IMMP2L: variants seen among roughly 807,000 people sequenced by gnomAD.
The protein encoded by IMMP2L is mitochondrial inner membrane protease subunit 2.
Under a neutral mutation model 19.3 loss-of-function variants are expected in IMMP2L, and 18 were observed. The observed-to-expected ratio is 0.93, with a 90% CI of 0.64 to 1.38. IMMP2L has a LOEUF of 1.38. Ranked by LOEUF, IMMP2L falls within the 40% of genes most tolerant of loss-of-function variation. IMMP2L has a pLI of 0.00. For missense variants in IMMP2L, 233 were observed against 218.2 expected (o/e 1.07, Z -0.43); for synonymous variants, 76 against 73.0 (o/e 1.04, Z -0.21).
At chr7:111,555,323 C>A (rs1481716267) in intron 1 of IMMP2L, among the ~76,000 whole-genome samples, 1 of 152,014 alleles carries the variant, frequency 6.6e-6, no homozygotes, top group Non-Finnish European at 1.5e-5. Flanking sequence ...GAGAGCAAGA[C>A]AGCAGTGAAC....
chr7:110,693,205 T>A (rs1793632606), intron 5 of IMMP2L, among the ~76,000 whole-genome samples: 1 of 152,230 alleles, frequency 6.6e-6, no homozygotes, highest in South Asian at 2.1e-4. Flanking sequence ...GTCTACTTCT[T>A]AAGAAGGGCA....
At chr7:110,974,160 G>A (rs1474931390) in intron 3 of IMMP2L, among the ~76,000 whole-genome samples, 1 of 152,038 alleles carries the variant, frequency 6.6e-6, no homozygotes, top group East Asian at 1.9e-4. Flanking sequence ...TAAGAAGGAG[G>A]CTTTGATTTA....
intron 3 of IMMP2L, among the ~76,000 whole-genome samples, chr7:111,310,254 C>G (rs2130256724): frequency 6.6e-6 from 1 of 150,386 alleles, no homozygotes; most frequent in East Asian, 2.0e-4. Flanking sequence ...AAATCTAAGA[C>G]TTTTGAGTTC....
intron 2 of IMMP2L, among the ~76,000 whole-genome samples, chr7:111,512,019 C>A (rs561822400): frequency 2.0e-5 from 3 of 152,160 alleles, no homozygotes; most frequent in Non-Finnish European, 4.4e-5. Context: ...CACTCAGCAA[C>A]CCCACTATTA....
intron 5 of IMMP2L, among the ~76,000 whole-genome samples, chr7:110,773,044 G>A (rs1398373100): frequency 6.6e-6 from 1 of 151,480 alleles, no homozygotes; most frequent in African/African-American, 2.4e-5. Flanking sequence ...TTAAAGCATT[G>A]AGGAGATATA....
intron 3 of IMMP2L, among the ~76,000 whole-genome samples, chr7:111,395,537 A>G (rs550555414): frequency 6.6e-6 from 1 of 152,294 alleles, no homozygotes; most frequent in East Asian, 1.9e-4. Context: ...ACAGGTACAA[A>G]ATTTCTAAAA....
At chr7:111,029,645 A>G (rs2129568498) in intron 3 of IMMP2L, among the ~76,000 whole-genome samples, 1 of 152,296 alleles carries the variant, frequency 6.6e-6, no homozygotes, top group East Asian at 1.9e-4. Flanking sequence ...CTTTTTTGTC[A>G]TGAATCTAAA....
chr7:111,152,706 A>T (rs1382971018), intron 3 of IMMP2L, among the ~76,000 whole-genome samples: 2 of 152,120 alleles, frequency 1.3e-5, no homozygotes, highest in Non-Finnish European at 2.9e-5. Flanking sequence ...CTCCTCATTA[A>T]TAGACAAAAA....
At chr7:110,990,629 T>G (rs1382804482) in intron 3 of IMMP2L, among the ~76,000 whole-genome samples, 5 of 152,180 alleles carry the variant, frequency 3.3e-5, no homozygotes, top group African/African-American at 1.2e-4. Flanking sequence ...CTTTTCTTTG[T>G]CACTTTCCAA....
intron 3 of IMMP2L, among the ~76,000 whole-genome samples, chr7:111,087,373 C>T (rs930391866): frequency 1.3e-5 from 2 of 150,020 alleles, no homozygotes; most frequent in Non-Finnish European, 3.0e-5. Flanking sequence ...CACTTGAACC[C>T]GGAAGGTGTT....
Position 111,414,003 on chromosome 7 carries a change from T to C in IMMP2L, c.239+73235A>G, listed in dbSNP as rs1325461656. Among the ~76,000 whole-genome samples, 3 of 151,762 alleles carry C rather than the reference T, an allele frequency of 2.0e-5. 1 individual carries two copies. Among genetic ancestry groups the C allele is most frequent in the African/African-American group, 7.3e-5 (3 of 41,104 alleles). ...AACTTCCCAGCCAGTTCCACTAGCATCCCAAGTGGTTTCCTGGCAAGTCGC... is the reference window on the plus strand; with the variant it reads ...AACTTCCCAGCCAGTTCCACTAGCACCCCAAGTGGTTTCCTGGCAAGTCGC... On this transcript the variant is annotated intron_variant, in intron 3 of 5. Coordinates refer to ENST00000405709, the MANE Select transcript of IMMP2L (RefSeq NM_032549.4).
chr7:111,060,764 G>A (rs1055024297), intron 3 of IMMP2L, among the ~76,000 whole-genome samples: 3 of 152,160 alleles, frequency 2.0e-5, no homozygotes, highest in African/African-American at 7.2e-5. Flanking sequence ...GCATCAATAT[G>A]GATACTTGTT....
At chr7:111,545,285 T>G (rs753474968) in intron 1 of IMMP2L, among the ~76,000 whole-genome samples, 4 of 152,198 alleles carry the variant, frequency 2.6e-5, no homozygotes, top group Non-Finnish European at 4.4e-5. Context: ...TGATTAATGA[T>G]GCTGAGCATC....
chr7:111,254,613 G>GA (rs1390484739), intron 3 of IMMP2L, among the ~76,000 whole-genome samples: 3 of 151,962 alleles, frequency 2.0e-5, no homozygotes, highest in East Asian at 3.9e-4. Context: ...TAAGTAAAAA[G>GA]AAAAAAATCA....
chr7:111,351,260 T>C (rs1361442898), intron 3 of IMMP2L, among the ~76,000 whole-genome samples: 1 of 152,116 alleles, frequency 6.6e-6, no homozygotes, highest in East Asian at 1.9e-4. Flanking sequence ...GCGCAATCTC[T>C]GCTCACCGCA....
intron 3 of IMMP2L, among the ~76,000 whole-genome samples, chr7:111,485,961 A>G (rs1375182747): frequency 6.6e-6 from 1 of 152,154 alleles, no homozygotes; most frequent in Non-Finnish European, 1.5e-5. Context: ...TCCATCACCA[A>G]CTAAGTGAGG....
intron 3 of IMMP2L, among the ~76,000 whole-genome samples, chr7:111,074,169 C>G (rs988852418): frequency 6.6e-6 from 1 of 152,110 alleles, no homozygotes. Context: ...TAAATAAGGT[C>G]CAGACAGGTT....
chr7:110,700,503 A>G (rs2130630020), intron 5 of IMMP2L, among the ~76,000 whole-genome samples: 1 of 152,306 alleles, frequency 6.6e-6, no homozygotes. Context: ...ATTGGCACAA[A>G]TACTGTTTGA....
chr7:110,883,174 CTACTT>C (rs938615383), intron 5 of IMMP2L, among the ~76,000 whole-genome samples: 1 of 152,026 alleles, frequency 6.6e-6, no homozygotes, highest in African/African-American at 2.4e-5. Flanking sequence ...CTTTACTTTT[CTACTT>C]TACTTTTCAC....
Sources: gnomAD v4.1 joint callset for allele counts (sites outside exome capture counted in the v4.1 genomes callset) on GRCh38, gnomAD v4.1.1 for gene constraint, MANE v1.5 for transcripts, NCBI Gene and HGNC (gene_info 2026-07-23, HGNC 2026-07-21) for gene names.